The following INTS6L variants were observed in gnomAD, a reference collection of about 807,000 sequenced individuals.
INTS6L encodes the protein integrator complex subunit 6-like.
In INTS6L, 18 loss-of-function variants were observed where a neutral mutation model predicts 64.7. That is an observed-to-expected ratio of 0.28 (90% confidence interval 0.19 to 0.41). INTS6L has a LOEUF of 0.41. Among genes scored for constraint, INTS6L ranks in the 10% least tolerant of loss-of-function variants. INTS6L has a pLI of 1.00. For missense variants in INTS6L, 533 were observed against 661.0 expected, an observed-to-expected ratio of 0.81 and a Z score of 2.12; for synonymous variants, 227 against 235.9, an observed-to-expected ratio of 0.96 and a Z score of 0.34.
At chrX:135,545,620 G>A in intron 3 of INTS6L, 48 bp downstream of exon 3, 1 of 1,122,313 alleles carries the variant, frequency 8.9e-7, no homozygotes, top group South Asian at 2.2e-5. Flanking sequence ...GGTGGCTTGG[G>A]GTAAGAATTT....
At position 135,546,837 on chromosome X, in the gene INTS6L, G is replaced by A. The variant is rs782467980; in HGVS notation, c.565G>A (p.Val189Ile). ...TACCGAACCAGAGCAACTAGGGAGCGTACCAACTGATGAATCTGCCATCAC... is the reference window on the plus strand; with the variant it reads ...TACCGAACCAGAGCAACTAGGGAGCATACCAACTGATGAATCTGCCATCAC... ...ASTEPEQLGS[V>I]PTDESAITQM... is the part of the protein sequence containing the mutation. Residue 189 changes from valine to isoleucine, a missense_variant, in exon 5 of 18, where the codon GTA becomes ATA. Coordinates refer to ENST00000639893, the MANE Select transcript of INTS6L (RefSeq NM_001351601.3). 9.9e-6 allele frequency: 12 copies of A among 1,208,858 alleles called. No individual in the cohort carries two copies. Among genetic ancestry groups the A allele is most frequent in the Middle Eastern group, 2.3e-4 (1 of 4,370 alleles).
intron 2 of INTS6L, among the ~76,000 whole-genome samples, chrX:135,530,131 ATTTATAG>A (rs782069868): frequency 1.8e-4 from 20 of 112,658 alleles, no homozygotes; most frequent in African/African-American, 6.4e-4. Flanking sequence ...TCATGCTGTT[ATTTATAG>A]CTGCTTTTAA....
At chrX:135,546,541 T>A in intron 4 of INTS6L, 72 bp downstream of exon 4, 1 of 999,145 alleles carries the variant, frequency 1.0e-6, no homozygotes. Context: ...GGGAGGCATT[T>A]CCAGTTAACA....
chrX:135,530,346 T>A (rs1045724382), intron 2 of INTS6L, among the ~76,000 whole-genome samples: 1 of 111,533 alleles, frequency 9.0e-6, no homozygotes, highest in African/African-American at 3.3e-5. Context: ...TCTCAGTTGA[T>A]GGAGTATGAA....
At chrX:135,551,856 ATCT>A in intron 7 of INTS6L, 135 bp from the exon 8 acceptor site, 2 of 537,023 alleles carry the variant, frequency 3.7e-6, no homozygotes, top group South Asian at 6.4e-5. Context: ...AGATCTAGTA[ATCT>A]TCTTTCTCAA....
At position 135,520,680 on chromosome X, in the gene INTS6L, G is replaced by C. The variant is rs1204200961; in HGVS notation, c.-313G>C. ...CGCTCAGTCTGGGGCGAGCGCTCTA[G>C]TGAGCGCGGACGGATGCTTAGGCAG... On this transcript the variant is annotated 5_prime_UTR_variant, in exon 1 of 18. Coordinates refer to ENST00000639893, the MANE Select transcript of INTS6L (RefSeq NM_001351601.3). 3.4e-6 allele frequency: 1 copy of C among 295,267 alleles called. No homozygotes were observed. The highest frequency in any genetic ancestry group is 6.0e-6 in the Non-Finnish European group (1 of 166,584). The allele number at this position is 295,267 out of a possible 1,213,427, so 24.3% of individuals were successfully genotyped here.
intron 9 of INTS6L, among the ~76,000 whole-genome samples, chrX:135,559,613 C>G (rs1602956531): frequency 8.9e-6 from 1 of 112,583 alleles, no homozygotes; most frequent in African/African-American, 3.2e-5. Flanking sequence ...CATTTGCATA[C>G]AGGTTGTGAA....
chrX:135,529,451 C>T (rs1360976354), intron 2 of INTS6L, among the ~76,000 whole-genome samples: 2 of 111,851 alleles, frequency 1.8e-5, no homozygotes, highest in South Asian at 3.7e-4. Flanking sequence ...TCCTAGGATT[C>T]TTACTTCTGA....
chrX:135,562,997 T>A (rs1426749324), intron 9 of INTS6L, among the ~76,000 whole-genome samples: 1 of 112,033 alleles, frequency 8.9e-6, no homozygotes, highest in Non-Finnish European at 1.9e-5. Flanking sequence ...TGTTAGGGCT[T>A]AAGTATGCCA....
intron 2 of INTS6L, among the ~76,000 whole-genome samples, chrX:135,541,135 G>A (rs782815954): frequency 1.8e-5 from 2 of 111,195 alleles, no homozygotes; most frequent in African/African-American, 6.6e-5. Flanking sequence ...AGGCTGTCCT[G>A]TATGTCACTA....
intron 2 of INTS6L, among the ~76,000 whole-genome samples, chrX:135,533,767 C>T (rs1556506795): frequency 8.9e-6 from 1 of 112,124 alleles, no homozygotes; most frequent in Non-Finnish European, 1.9e-5. Context: ...TATGTTTTTT[C>T]CAAGGCCAAA....
intron 9 of INTS6L, among the ~76,000 whole-genome samples, chrX:135,558,660 G>A (rs1178593711): frequency 2.7e-5 from 3 of 111,764 alleles, no homozygotes; most frequent in Non-Finnish European, 5.6e-5. Flanking sequence ...TTTGTAAGGT[G>A]AAAAGCCTCT....
At chrX:135,561,791 T>TCCATTTC (rs2086795425) in intron 9 of INTS6L, among the ~76,000 whole-genome samples, 1 of 111,867 alleles carries the variant, frequency 8.9e-6, no homozygotes, top group Non-Finnish European at 1.9e-5. Flanking sequence ...TTGTCCATTT[T>TCCATTTC]ATCTAAGTTG....
intron 2 of INTS6L, among the ~76,000 whole-genome samples, chrX:135,527,860 G>GAAGGGCAGGGCACAGGTAAGGA (rs1466747776): frequency 9.0e-6 from 1 of 110,770 alleles, no homozygotes; most frequent in Non-Finnish European, 1.9e-5. Flanking sequence ...GGGAGATGGT[G>GAAGGGCAGGGCACAGGTAAGGA]AAGGGCAGGG....
chrX:135,543,016 T>G (rs1340579715), intron 2 of INTS6L, among the ~76,000 whole-genome samples: 2 of 111,512 alleles, frequency 1.8e-5, no homozygotes, highest in African/African-American at 6.5e-5. Flanking sequence ...AAATACTTCC[T>G]TAATCTGCAA....
At chrX:135,575,281 A>G (rs1362210255) in intron 14 of INTS6L, 55 bp downstream of exon 14, 3 of 1,137,343 alleles carry the variant, frequency 2.6e-6, no homozygotes, top group South Asian at 2.1e-5. Context: ...CTATATAATT[A>G]TTTTCTTTTT....
chrX:135,543,017 T>C (rs1314213830), intron 2 of INTS6L, among the ~76,000 whole-genome samples: 2 of 111,484 alleles, frequency 1.8e-5, no homozygotes, highest in South Asian at 3.8e-4. Context: ...AATACTTCCT[T>C]AATCTGCAAC....
chrX:135,558,787 C>CTT (rs1164910175), intron 9 of INTS6L, among the ~76,000 whole-genome samples: 11 of 94,633 alleles, frequency 1.2e-4, no homozygotes, highest in African/African-American at 2.3e-4. Context: ...TTTCTTTTTT[C>CTT]TTTTTTTTTT....
At position 135,546,767 on chromosome X, in the gene INTS6L, T is replaced by A. The variant is rs2086367455; in HGVS notation, c.495T>A (p.Asp165Glu). The A allele has an allele frequency of 8.3e-7, 1 of 1,211,770 alleles. No individual in the cohort carries two copies. The highest frequency in any genetic ancestry group is 1.1e-6 in the Non-Finnish European group (1 of 895,435). ...TAACCAAAGAACCTTTTCGTTGGGA[T>A]CAAAGGTTATTTGCCCTGGTGTTGC... ...SELTKEPFRW[D>E]QRLFALVLRL... Residue 165 changes from aspartate (D) to glutamate (E), a missense_variant, in exon 5 of 18, where the codon GAT (aspartate) becomes GAA (glutamate). Asp to Glu is a conservative substitution (Grantham distance 45). Transcript: ENST00000639893.
Sources: gnomAD v4.1 joint callset for allele counts (sites outside exome capture counted in the v4.1 genomes callset) on GRCh38, gnomAD v4.1.1 for gene constraint, MANE v1.5 for transcripts, NCBI Gene and HGNC (gene_info 2026-07-23, HGNC 2026-07-21) for gene names.